RANBP3L: variants seen among roughly 807,000 people sequenced by gnomAD.
The protein encoded by RANBP3L is RAN binding protein 3 like, also known as ran-binding protein 3-like.
A neutral mutation model predicts 67.2 loss-of-function variants in RANBP3L; 56 were observed. The observed-to-expected ratio is 0.83, with a 90% CI of 0.67 to 1.04. The LOEUF is 1.04. RANBP3L is among the 50% of genes least tolerant of loss of function. The probability of loss-of-function intolerance (pLI) is 0.00; values close to 1 mark genes in which losing one functional copy is unlikely to be tolerated. For missense variants in RANBP3L, 496 were observed against 535.5 expected, an observed-to-expected ratio of 0.93 and a Z score of 0.73; for synonymous variants, 164 against 181.4, an observed-to-expected ratio of 0.90 and a Z score of 0.77.
rs192522110 is a variant in RANBP3L, at chr5:36,295,071, A to C, written c.91+6255T>G. On this transcript the variant is annotated intron_variant, in intron 1 of 13. Transcript: ENST00000296604. Reference sequence around the variant, plus strand: ...TTCCATCTTTTGGCTATTGTGAATAATACTACCATGAGCATAGGTGCACAA... The same window carrying C: ...TTCCATCTTTTGGCTATTGTGAATACTACTACCATGAGCATAGGTGCACAA... Among the ~76,000 whole-genome samples the C allele has an allele frequency of 2.4e-3, 366 of 151,984 alleles. 1 individual carries two copies. The highest frequency in any genetic ancestry group is 8.4e-3 in the African/African-American group (347 of 41,460).
chr5:36,292,549 C>A (rs910191903), intron 1 of RANBP3L, among the ~76,000 whole-genome samples: 2 of 152,178 alleles, frequency 1.3e-5, no homozygotes, highest in African/African-American at 4.8e-5. Flanking sequence ...ACATTTAAGT[C>A]TTTAATCCAT....
At chr5:36,289,007 G>C (rs1462000050) in intron 1 of RANBP3L, among the ~76,000 whole-genome samples, 2 of 151,804 alleles carry the variant, frequency 1.3e-5, no homozygotes, top group Admixed American at 6.6e-5. Context: ...CTGCCTTTTT[G>C]ATGGTGAAGA....
intron 1 of RANBP3L, among the ~76,000 whole-genome samples, chr5:36,290,212 T>C (rs1751621852): frequency 7.5e-6 from 1 of 133,208 alleles, no homozygotes; most frequent in Non-Finnish European, 1.6e-5. Context: ...GGTTTCTCTC[T>C]CTCTGTCTCA....
chr5:36,269,345 G>T, intron 4 of RANBP3L, 45 bp downstream of exon 4: 1 of 1,135,450 alleles, frequency 8.8e-7, no homozygotes, highest in Non-Finnish European at 1.3e-6. Context: ...TTTGCATTCA[G>T]AATAAACATA....
At position 36,257,637 on chromosome 5, in the gene RANBP3L, C is replaced by G. The variant is rs1297766566; in HGVS notation, c.670-81G>C. 1.0e-5 allele frequency: 6 copies of G among 583,504 alleles called. No homozygotes were observed. The South Asian group carries it at 1.3e-4, about 12-fold the overall frequency. The allele number at this position is 583,504 out of a possible 1,614,324, so 36.1% of individuals were successfully genotyped here. On this transcript the variant is annotated intron_variant, in intron 8 of 13. Transcript: ENST00000296604. ...TACTATGTTTGCAGTAAGACACTTC[C>G]GTTTTTCTGTTTCAACACAGCAAGC...
chr5:36,298,981 G>C (rs868439207), intron 1 of RANBP3L, among the ~76,000 whole-genome samples: 2 of 152,090 alleles, frequency 1.3e-5, no homozygotes, highest in Admixed American at 1.3e-4. Context: ...TGAGGGCGTT[G>C]CCAAAAGAGA....
chr5:36,279,328 A>C (rs923362142), intron 1 of RANBP3L, among the ~76,000 whole-genome samples: 1 of 152,184 alleles, frequency 6.6e-6, no homozygotes, highest in African/African-American at 2.4e-5. Context: ...ATTTCTAGCC[A>C]TATGTGGGGG....
chr5:36,290,514 G>A (rs1751657030), intron 1 of RANBP3L, among the ~76,000 whole-genome samples: 1 of 151,934 alleles, frequency 6.6e-6, no homozygotes, highest in Admixed American at 6.6e-5. Flanking sequence ...ACCGCACCCG[G>A]CCATATCTCT....
At chr5:36,272,631 TTTTG>T (rs1750300781) in intron 1 of RANBP3L, among the ~76,000 whole-genome samples, 1 of 152,110 alleles carries the variant, frequency 6.6e-6, no homozygotes, top group African/African-American at 2.4e-5. Context: ...AGTGGGGTTT[TTTTG>T]TTTGTTTTTG....
Position 36,257,087 on chromosome 5 carries a change from G to GA in RANBP3L, c.773-17dup. 1.9e-6 allele frequency: 3 copies of GA among 1,598,276 alleles called. No individual in the cohort carries two copies. The highest frequency in any genetic ancestry group is 2.6e-6 in the Non-Finnish European group (3 of 1,173,322). On this transcript the variant is annotated splice_polypyrimidine_tract_variant and intron_variant, in intron 9 of 13. Transcript: ENST00000296604. ...GAGTCTGTTCCTAAGAGAAAATGGG[G>GA]AAAAAACACTTAAAAGTCCCCATTT...
At chr5:36,267,249 C>G (rs1749864433) in intron 4 of RANBP3L, among the ~76,000 whole-genome samples, 2 of 152,172 alleles carry the variant, frequency 1.3e-5, no homozygotes, top group Non-Finnish European at 2.9e-5. Flanking sequence ...TGGCTCACGA[C>G]TGTAATCCCA....
intron 1 of RANBP3L, among the ~76,000 whole-genome samples, chr5:36,290,151 A>C (rs1751615685): frequency 6.6e-6 from 1 of 150,956 alleles, no homozygotes; most frequent in Non-Finnish European, 1.5e-5. Flanking sequence ...ACTCCCTTAC[A>C]ATCCTTTTAA....
At chr5:36,263,025 T>C (rs1179178307) in intron 6 of RANBP3L, among the ~76,000 whole-genome samples, 1 of 152,156 alleles carries the variant, frequency 6.6e-6, no homozygotes, top group Non-Finnish European at 1.5e-5. Flanking sequence ...ATAAGAAATA[T>C]AAAGATAATG....
chr5:36,260,682 G>A, intron 8 of RANBP3L, 98 bp downstream of exon 8: 1 of 620,642 alleles, frequency 1.6e-6, no homozygotes, highest in East Asian at 3.0e-5. Context: ...GAGTTAAAAA[G>A]TATAATTCAA....
intron 1 of RANBP3L, among the ~76,000 whole-genome samples, chr5:36,277,440 A>ATG (rs149996886): frequency 1.1e-3 from 121 of 115,026 alleles, no homozygotes; most frequent in East Asian, 6.9e-3. Flanking sequence ...ATATATATAT[A>ATG]TGTGTGTGTG....
intron 1 of RANBP3L, among the ~76,000 whole-genome samples, chr5:36,291,615 G>A (rs565779471): frequency 1.3e-5 from 2 of 151,344 alleles, no homozygotes; most frequent in African/African-American, 4.9e-5. Context: ...TGTTTTCCTT[G>A]TTCAATTCCC....
chr5:36,261,676 A>G (rs1341733446), intron 7 of RANBP3L, among the ~76,000 whole-genome samples: 1 of 152,226 alleles, frequency 6.6e-6, no homozygotes, highest in South Asian at 2.1e-4. Flanking sequence ...CCAACTAAAT[A>G]AAAGTTTAGC....
Position 36,247,243 on chromosome 5 carries a change from T to C in RANBP3L, c.*2411A>G, listed in dbSNP as rs1238134372. On this transcript the variant is annotated 3_prime_UTR_variant, in exon 14 of 14. Coordinates refer to ENST00000296604, the MANE Select transcript of RANBP3L (RefSeq NM_145000.5). The stretch of plus-strand genomic sequence containing the variant: ...TGTTTCTACTATTCCTCCAAAATTG[T>C]ACTAAATATTTGTGTAAGAATTCTA... 1.3e-5 allele frequency among the ~76,000 whole-genome samples: 2 copies of C among 152,216 alleles called. No homozygotes were observed. The highest frequency in any genetic ancestry group is 1.9e-4 in the East Asian group (1 of 5,194).
intron 1 of RANBP3L, among the ~76,000 whole-genome samples, chr5:36,279,712 T>C (rs1215222695): frequency 6.6e-6 from 1 of 152,176 alleles, no homozygotes; most frequent in East Asian, 1.9e-4. Context: ...GGAACACTTA[T>C]CCCTTTTGAT....
Sources: gnomAD v4.1 joint callset for allele counts (sites outside exome capture counted in the v4.1 genomes callset) on GRCh38, gnomAD v4.1.1 for gene constraint, MANE v1.5 for transcripts, NCBI Gene and HGNC (gene_info 2026-07-23, HGNC 2026-07-21) for gene names.